Variants in TJP1 observed in about 807,000 individuals in gnomAD.
TJP1 encodes tight junction protein 1.
In TJP1, 43 loss-of-function variants were observed where a neutral mutation model predicts 194.2. The ratio of observed to expected loss-of-function variants is 0.22; its 90% CI spans 0.17 to 0.29. The LOEUF is 0.29. TJP1 is among the 10% of genes least tolerant of loss of function. The probability of loss-of-function intolerance (pLI) is 1.00; values close to 1 mark genes in which losing one functional copy is unlikely to be tolerated. For synonymous variants in TJP1, 801 were observed against 779.0 expected (o/e 1.03, Z -0.47); for missense variants, 1,971 against 2,185.7 (o/e 0.90, Z 1.96).
chr15:29,797,727 A>C (rs1229089545), intron 2 of TJP1, among the ~76,000 whole-genome samples: 10 of 152,224 alleles, frequency 6.6e-5, no homozygotes, highest in Admixed American at 6.5e-4. Flanking sequence ...AAATATATAA[A>C]GACTACTGCA....
At chr15:29,891,796 T>TC (rs2053318587) in intron 2 of TJP1, among the ~76,000 whole-genome samples, 1 of 152,102 alleles carries the variant, frequency 6.6e-6, no homozygotes, top group African/African-American at 2.4e-5. Flanking sequence ...GACCGGCCAT[T>TC]CCCCCATCTC....
At chr15:29,702,536 G>A (rs1247914025) in intron 27 of TJP1, among the ~76,000 whole-genome samples, 1 of 152,168 alleles carries the variant, frequency 6.6e-6, no homozygotes, top group East Asian at 1.9e-4. Flanking sequence ...GGGACATCTG[G>A]AGACAGTTTT....
chr15:29,924,486 A>T (rs887745024), intron 2 of TJP1, among the ~76,000 whole-genome samples: 13 of 152,252 alleles, frequency 8.5e-5, no homozygotes, highest in African/African-American at 3.1e-4. Context: ...AAATGTTTTC[A>T]AAGAATATGA....
At chr15:29,773,130 G>C in intron 3 of TJP1, 103 bp downstream of exon 3, 1 of 1,351,934 alleles carries the variant, frequency 7.4e-7, no homozygotes, top group African/African-American at 1.4e-5. Context: ...CAGGTGGAGT[G>C]TGAATATGAC....
chr15:29,732,787 T>C lies in TJP1; in HGVS notation c.1765A>G (p.Thr589Ala). 6.2e-7 allele frequency: 1 copy of C among 1,610,344 alleles called. No individual in the cohort carries two copies. The highest frequency in any genetic ancestry group is 8.5e-7 in the Non-Finnish European group (1 of 1,178,676). ...TCTCCGCCTGCTGTTTTTGGAAGTG[T>C]ATACTGTACACTGGCTAGCTGCTCA... ...RAEQLASVQYTLPKTAGGDRA... is the reference protein window; with the variant it reads ...RAEQLASVQYALPKTAGGDRA... Residue 589 changes from threonine (T) to alanine (A), a missense_variant, in exon 14 of 28, where the codon ACA becomes GCA. By Grantham distance (58) the Thr-to-Ala change is moderately conservative. Transcript: ENST00000614355.
intron 8 of TJP1, among the ~76,000 whole-genome samples, chr15:29,748,530 T>A (rs1187989253): frequency 6.6e-6 from 1 of 151,284 alleles, no homozygotes; most frequent in African/African-American, 2.4e-5. Flanking sequence ...GAGGTTGTGA[T>A]AATGAATCAC....
intron 2 of TJP1, among the ~76,000 whole-genome samples, chr15:29,890,992 C>T (rs1338463990): frequency 6.6e-6 from 1 of 152,240 alleles, no homozygotes; most frequent in Non-Finnish European, 1.5e-5. Flanking sequence ...CCAAGCTCTA[C>T]CTCCCTGCCA....
At chr15:29,907,613 C>T (rs1375679495) in intron 2 of TJP1, among the ~76,000 whole-genome samples, 1 of 152,080 alleles carries the variant, frequency 6.6e-6, no homozygotes, top group East Asian at 1.9e-4. Context: ...GAGTTAATGT[C>T]ATTTAAAAGC....
rs565683119 is a variant in TJP1 at position 29,700,453 on chromosome 15, T to TA, written c.*1141dup. 3.2e-4 allele frequency: 129 copies of TA among 398,518 alleles called. 1 individual carries two copies. The South Asian group carries it at 7.7e-3, about 24-fold the overall frequency. 24.7% of individuals were successfully genotyped at this position (398,518 alleles called of 1,614,324 possible). The stretch of plus-strand genomic sequence containing the variant: ...TAACAACTCTGTGCATCCTTTTTCT[T>TA]AAAAAAAATGACCTTGCATGTGTCA... On this transcript the variant is annotated 3_prime_UTR_variant, in exon 28 of 28. Coordinates refer to ENST00000614355, the MANE Select transcript of TJP1 (RefSeq NM_001330239.4).
rs558623828 is a variant in TJP1, at chr15:29,859,320, T to C, written c.307-58618A>G. Among the ~76,000 whole-genome samples the C allele has an allele frequency of 1.8e-4, 28 of 152,344 alleles. No homozygotes were observed. The South Asian group carries it at 5.0e-3, about 27-fold the overall frequency. On this transcript the variant is annotated intron_variant, in intron 2 of 28. Transcript: ENST00000356107. ...TAGAAAATATCCAAATTTTCTATTA[T>C]AAGCAAACCTACTTTGGAGAATAAA...
chr15:29,805,388 A>G (rs2049043552), intron 1 of TJP1, among the ~76,000 whole-genome samples: 1 of 152,226 alleles, frequency 6.6e-6, no homozygotes, highest in Admixed American at 6.5e-5. Flanking sequence ...AGACAGGATG[A>G]GCCTATAACT....
intron 15 of TJP1, 156 bp from the exon 16 acceptor site, chr15:29,728,175 G>T: frequency 1.3e-5 from 6 of 452,930 alleles, no homozygotes; most frequent in Non-Finnish European, 2.3e-5. Context: ...GTTTTAATAT[G>T]CATACTTCCC....
Position 29,726,895 on chromosome 15 carries a change from T to C in TJP1, c.2197A>G (p.Lys733Glu). ...ATTCTCATTGTTTTTACTCCTTGCTTAGAATCAGGGTTAAGAAATACAACA... is the reference window on the plus strand; with the variant it reads ...ATTCTCATTGTTTTTACTCCTTGCTCAGAATCAGGGTTAAGAAATACAACA... The part of the protein sequence containing the change: ...PIVVFLNPDS[K>E]QGVKTMRMRL... Residue 733 changes from lysine to glutamate, a missense_variant, in exon 17 of 28, where the codon AAG becomes GAG. Around this residue, in one of 5 missense-constraint regions of TJP1, gnomAD observed 402 missense variants for 484.2 expected, o/e 0.83. Coordinates refer to ENST00000614355, the MANE Select transcript of TJP1 (RefSeq NM_001330239.4). 1 of 1,614,208 alleles carries C rather than the reference T, an allele frequency of 6.2e-7. No homozygotes were observed. The highest frequency in any genetic ancestry group is 2.2e-5 in the East Asian group (1 of 44,878).
intron 10 of TJP1, among the ~76,000 whole-genome samples, chr15:29,738,062 T>A (rs1424943756): frequency 2.6e-5 from 4 of 151,600 alleles, no homozygotes; most frequent in Non-Finnish European, 5.9e-5. Context: ...GTTCTCTGAA[T>A]GGAAAAAAAA....
chr15:29,727,506 T>A (rs1381971477), intron 16 of TJP1, among the ~76,000 whole-genome samples: 2 of 152,208 alleles, frequency 1.3e-5, no homozygotes, highest in Non-Finnish European at 2.9e-5. Context: ...CAATTCCATT[T>A]CTAGCCAAAT....
intron 2 of TJP1, among the ~76,000 whole-genome samples, chr15:29,949,709 T>TCCATCACCTCCACCG (rs1320169693): frequency 2.0e-5 from 1 of 51,234 alleles, no homozygotes; most frequent in Admixed American, 2.7e-4. Context: ...CACCACCACC[T>TCCATCACCTCCACCG]CCATCACCTC....
chr15:29,714,296 T>G (rs1365349957), intron 23 of TJP1, among the ~76,000 whole-genome samples: 2 of 152,096 alleles, frequency 1.3e-5, no homozygotes, highest in Admixed American at 1.3e-4. Context: ...TGGAGTGCAG[T>G]GGCGCGATCT....
At chr15:29,749,405 T>A (rs1248636317) in intron 8 of TJP1, among the ~76,000 whole-genome samples, 1 of 152,182 alleles carries the variant, frequency 6.6e-6, no homozygotes, top group African/African-American at 2.4e-5. Context: ...AGGAGTAACA[T>A]GCTGTTTCAA....
intron 2 of TJP1, among the ~76,000 whole-genome samples, chr15:29,859,935 T>G (rs1567141224): frequency 6.6e-6 from 1 of 151,916 alleles, no homozygotes; most frequent in East Asian, 1.9e-4. Context: ...AGGATAAAAG[T>G]GAAAGAGGGG....
Sources: gnomAD v4.1 joint callset for allele counts (sites outside exome capture counted in the v4.1 genomes callset) on GRCh38, gnomAD v4.1.1 for gene constraint, gnomAD v4.1.1 regional missense constraint, MANE v1.5 for transcripts, NCBI Gene and HGNC (gene_info 2026-07-23, HGNC 2026-07-21) for gene names.